PRKG1: variants seen among roughly 807,000 people sequenced by gnomAD.
PRKG1 encodes protein kinase cGMP-dependent 1.
A neutral mutation model predicts 88.1 loss-of-function variants in PRKG1; 35 were observed. The observed-to-expected ratio is 0.40, with a 90% CI of 0.30 to 0.53. The LOEUF (loss-of-function observed/expected upper bound fraction) is 0.53, where lower values mean the gene tolerates loss of function less well. PRKG1 is among the 20% of genes least tolerant of loss of function. The pLI is 0.59. For synonymous variants in PRKG1, 303 were observed against 292.5 expected, an observed-to-expected ratio of 1.04 and a Z score of -0.37; for missense variants, 540 against 839.8, an observed-to-expected ratio of 0.64 and a Z score of 4.41.
At chr10:51,830,611 G>A (rs942917912) in intron 4 of PRKG1, among the ~76,000 whole-genome samples, 1 of 144,786 alleles carries the variant, frequency 6.9e-6, no homozygotes, top group African/African-American at 2.6e-5. Flanking sequence ...GGCCAGGCTG[G>A]AGAGCAGTGG....
At chr10:51,345,848 G>A (rs560854730) in intron 2 of PRKG1, among the ~76,000 whole-genome samples, 4 of 152,308 alleles carry the variant, frequency 2.6e-5, no homozygotes, top group African/African-American at 2.4e-5. Context: ...GCCATGCTAC[G>A]GGATGATTCA....
upstream of PRKG1, among the ~76,000 whole-genome samples, chr10:51,072,950 A>G (rs1352014845): frequency 1.3e-5 from 2 of 152,170 alleles, no homozygotes; most frequent in East Asian, 3.8e-4. Context: ...TTGCAATTCA[A>G]TTTTATTTTC....
chr10:52,064,890 G>C (rs904249512), intron 7 of PRKG1, among the ~76,000 whole-genome samples: 4 of 152,212 alleles, frequency 2.6e-5, no homozygotes, highest in African/African-American at 9.6e-5. Context: ...ACAAGGCAGT[G>C]AAGTATTTCC....
intron 5 of PRKG1, among the ~76,000 whole-genome samples, chr10:52,009,243 C>T (rs1844818985): frequency 6.6e-6 from 1 of 152,148 alleles, no homozygotes; most frequent in African/African-American, 2.4e-5. Flanking sequence ...TTCCTATTTA[C>T]AGATGATGTG....
At chr10:52,104,512 G>T (rs903189111) in intron 7 of PRKG1, among the ~76,000 whole-genome samples, 1 of 151,758 alleles carries the variant, frequency 6.6e-6, no homozygotes, top group African/African-American at 2.4e-5. Context: ...AAAAAAAATT[G>T]TTATCACTGT....
At chr10:51,690,980 A>C (rs181074112) in intron 3 of PRKG1, among the ~76,000 whole-genome samples, 3 of 149,566 alleles carry the variant, frequency 2.0e-5, no homozygotes, top group African/African-American at 4.9e-5. Context: ...TATACTATCC[A>C]TATCTTCATT....
intron 7 of PRKG1, among the ~76,000 whole-genome samples, chr10:52,086,565 C>T (rs907007462): frequency 6.6e-6 from 1 of 151,930 alleles, no homozygotes; most frequent in Non-Finnish European, 1.5e-5. Context: ...TCACCACACC[C>T]AGCTAATTTT....
intron 1 of PRKG1, among the ~76,000 whole-genome samples, chr10:51,098,196 C>G (rs1844589764): frequency 6.6e-6 from 1 of 152,130 alleles, no homozygotes; most frequent in African/African-American, 2.4e-5. Context: ...CATGCAGCTG[C>G]GTTTGAATTC....
intron 1 of PRKG1, among the ~76,000 whole-genome samples, chr10:50,995,359 A>G (rs1223034164): frequency 6.6e-6 from 1 of 152,182 alleles, no homozygotes; most frequent in Non-Finnish European, 1.5e-5. Context: ...GGAAAGGAAG[A>G]TCTGAGCTCT....
chr10:51,053,307 G>A (rs1022517572), intron 1 of PRKG1, among the ~76,000 whole-genome samples: 1 of 151,662 alleles, frequency 6.6e-6, no homozygotes, highest in Non-Finnish European at 1.5e-5. Context: ...ACTAATTACT[G>A]TTCCCATATA....
intron 3 of PRKG1, among the ~76,000 whole-genome samples, chr10:51,737,730 TTTATTTATTAATTATTATTATTA>T (rs1837317632): frequency 8.9e-6 from 1 of 112,354 alleles, no homozygotes; most frequent in African/African-American, 3.8e-5. Context: ...TATTTATTTA[TTTATTTATTAATTATTATTATTA>T]TTATTATTAT....
chr10:51,737,737 A>ATTTAT (rs752573946), intron 3 of PRKG1, among the ~76,000 whole-genome samples: 2 of 137,164 alleles, frequency 1.5e-5, no homozygotes, highest in Non-Finnish European at 3.1e-5. Context: ...TTATTTATTT[A>ATTTAT]TTAATTATTA....
chr10:51,429,795 AG>A (rs1024300979), intron 2 of PRKG1, among the ~76,000 whole-genome samples: 11 of 151,704 alleles, frequency 7.3e-5, no homozygotes, highest in African/African-American at 1.5e-4. Context: ...AAAGCATAGA[AG>A]AAAAAAAAAA....
intron 1 of PRKG1, among the ~76,000 whole-genome samples, chr10:51,140,864 C>T (rs116476913): frequency 2.1e-3 from 314 of 152,286 alleles, no homozygotes; most frequent in African/African-American, 7.2e-3. Context: ...AACCCAACCA[C>T]TGCATGAAAG....
At chr10:51,468,553 T>C (rs1839967201) in intron 3 of PRKG1, among the ~76,000 whole-genome samples, 1 of 151,804 alleles carries the variant, frequency 6.6e-6, no homozygotes, top group Admixed American at 6.6e-5. Context: ...AATAAGTATA[T>C]AATGACTGTA....
intron 9 of PRKG1, among the ~76,000 whole-genome samples, chr10:52,174,585 A>G (rs1838804197): frequency 6.6e-6 from 1 of 152,068 alleles, no homozygotes; most frequent in African/African-American, 2.4e-5. Flanking sequence ...GAGATAGTAT[A>G]AAACTATAGC....
chr10:51,795,552 C>G (rs1838987512), intron 3 of PRKG1, among the ~76,000 whole-genome samples: 1 of 152,054 alleles, frequency 6.6e-6, no homozygotes, highest in Non-Finnish European at 1.5e-5. Context: ...TAGAATTTAG[C>G]TTTAGGCTAA....
chr10:51,432,757 G>A (rs1361041308), intron 2 of PRKG1, among the ~76,000 whole-genome samples: 1 of 152,134 alleles, frequency 6.6e-6, no homozygotes, highest in Non-Finnish European at 1.5e-5. Context: ...CATACAGATT[G>A]TTCTTTACAC....
rs1432898040 is a variant in PRKG1, at chr10:51,294,435, A to G, written c.478+141105A>G. Among the ~76,000 whole-genome samples, 3 of 152,036 alleles carry G rather than the reference A, an allele frequency of 2.0e-5. No homozygotes were observed. The East Asian group carries it at 5.8e-4, about 29-fold the overall frequency. ...TTCAATTTCATTCTTCTGTGGTTGG[A>G]CATACTGTTTTCCCAACATAATTTA... On this transcript the variant is annotated intron_variant, in intron 2 of 17. Coordinates refer to ENST00000373980, the MANE Select transcript of PRKG1 (RefSeq NM_006258.4).
Sources: gnomAD v4.1 joint callset for allele counts (sites outside exome capture counted in the v4.1 genomes callset) on GRCh38, gnomAD v4.1.1 for gene constraint, MANE v1.5 for transcripts, NCBI Gene and HGNC (gene_info 2026-07-23, HGNC 2026-07-21) for gene names.